Variants in THSD4 observed in about 807,000 individuals in gnomAD.
THSD4 encodes the protein thrombospondin type-1 domain-containing protein 4.
In THSD4, 69 loss-of-function variants were observed where a neutral mutation model predicts 119.0. The ratio of observed to expected loss-of-function variants is 0.58; its 90% CI spans 0.48 to 0.71. The LOEUF is 0.71. THSD4 is among the 30% of genes least tolerant of loss of function. The pLI, the probability that THSD4 is intolerant of heterozygous loss-of-function variation, is 0.00. For synonymous variants in THSD4, 524 were observed against 540.4 expected (o/e 0.97, Z 0.42); for missense variants, 1,393 against 1,391.1 (o/e 1.00, Z -0.02).
chr15:71,511,891 TTTTATTCAG>T (rs2140759493), intron 7 of THSD4, among the ~76,000 whole-genome samples: 1 of 152,326 alleles, frequency 6.6e-6, no homozygotes, highest in Non-Finnish European at 1.5e-5. Flanking sequence ...GTGTCGGGAA[TTTTATTCAG>T]TTAGTGTTTA....
chr15:71,195,489 C>T (rs2043711314), intron 3 of THSD4, among the ~76,000 whole-genome samples: 1 of 152,144 alleles, frequency 6.6e-6, no homozygotes, highest in South Asian at 2.1e-4. Context: ...ACCAAGTGGA[C>T]CCCTCTAGGG....
intron 6 of THSD4, among the ~76,000 whole-genome samples, chr15:71,271,191 T>C (rs913590296): frequency 2.6e-5 from 4 of 152,200 alleles, no homozygotes; most frequent in Non-Finnish European, 4.4e-5. Flanking sequence ...AGCACCTTTT[T>C]TCATATTAGC....
At chr15:71,257,642 A>G (rs1596297694) in intron 6 of THSD4, among the ~76,000 whole-genome samples, 1 of 152,302 alleles carries the variant, frequency 6.6e-6, no homozygotes, top group Admixed American at 6.5e-5. Context: ...TGCAGAATCA[A>G]TGCCTGGGGA....
At chr15:71,715,503 G>C (rs375778610) in intron 8 of THSD4, among the ~76,000 whole-genome samples, 1 of 152,102 alleles carries the variant, frequency 6.6e-6, no homozygotes, top group East Asian at 1.9e-4. Context: ...GGATTCTACA[G>C]TGCTTAGAAC....
intron 7 of THSD4, among the ~76,000 whole-genome samples, chr15:71,464,678 C>T (rs1469002234): frequency 1.3e-5 from 2 of 152,174 alleles, no homozygotes; most frequent in Non-Finnish European, 2.9e-5. Context: ...TAGACACTTT[C>T]CCTTCTAAAG....
chr15:71,205,049 CA>C (rs1227627536), intron 3 of THSD4, among the ~76,000 whole-genome samples: 1 of 152,178 alleles, frequency 6.6e-6, no homozygotes, highest in Non-Finnish European at 1.5e-5. Context: ...AGGATGCATT[CA>C]AATCACTGGG....
intron 1 of THSD4, among the ~76,000 whole-genome samples, chr15:71,097,385 T>G (rs1251202820): frequency 6.6e-6 from 1 of 151,936 alleles, no homozygotes; most frequent in Non-Finnish European, 1.5e-5. Context: ...AGCAACATGG[T>G]GAAACCCCGT....
intron 5 of THSD4, among the ~76,000 whole-genome samples, chr15:71,246,105 C>A (rs4777347): frequency 0.57 from 85,781 of 151,470 alleles, 25,235 homozygotes; most frequent in African/African-American, 0.71. Flanking sequence ...CACGGAGGAA[C>A]TGAGTTTCCT....
chr15:71,160,919 C>G (rs940900640), intron 3 of THSD4, among the ~76,000 whole-genome samples: 1 of 151,830 alleles, frequency 6.6e-6, no homozygotes, highest in African/African-American at 2.4e-5. Context: ...GTAGGAGTCA[C>G]AGGAGGTAAT....
upstream of THSD4, among the ~76,000 whole-genome samples, chr15:71,112,707 G>T: frequency 6.6e-6 from 1 of 152,258 alleles, no homozygotes; most frequent in Admixed American, 6.5e-5. Flanking sequence ...TCTCTCTTTC[G>T]GTGAGGGTCA....
At chr15:71,194,028 A>G (rs1442215620) in intron 3 of THSD4, among the ~76,000 whole-genome samples, 2 of 152,268 alleles carry the variant, frequency 1.3e-5, no homozygotes, top group East Asian at 1.9e-4. Context: ...TGATGGTTTT[A>G]TAAGGGGCTT....
chr15:71,319,963 T>C (rs2045245470), intron 6 of THSD4, among the ~76,000 whole-genome samples: 1 of 152,220 alleles, frequency 6.6e-6, no homozygotes, highest in Admixed American at 6.5e-5. Context: ...AAGGACGGTA[T>C]GGTAACTAGA....
intron 8 of THSD4, among the ~76,000 whole-genome samples, chr15:71,674,882 G>C (rs2051607946): frequency 6.6e-6 from 1 of 152,130 alleles, no homozygotes; most frequent in South Asian, 2.1e-4. Context: ...AAACCTCAGT[G>C]GTGCTGAAGT....
At chr15:71,461,120 T>C (rs2047423568) in intron 7 of THSD4, among the ~76,000 whole-genome samples, 1 of 152,232 alleles carries the variant, frequency 6.6e-6, no homozygotes, top group African/African-American at 2.4e-5. Flanking sequence ...CATGAGGTTG[T>C]TGTCAAGATG....
chr15:71,247,423 G>A (rs1374692108), intron 5 of THSD4, among the ~76,000 whole-genome samples: 1 of 152,210 alleles, frequency 6.6e-6, no homozygotes, highest in Non-Finnish European at 1.5e-5. Context: ...TATGCAGCTT[G>A]AGTCCAGTAA....
intron 7 of THSD4, among the ~76,000 whole-genome samples, chr15:71,610,970 A>G (rs1478573419): frequency 6.6e-6 from 1 of 152,166 alleles, no homozygotes; most frequent in African/African-American, 2.4e-5. Context: ...TGGAAAGAAG[A>G]AGTGAGAAGG....
At chr15:71,272,443 G>T (rs2044542817) in intron 6 of THSD4, among the ~76,000 whole-genome samples, 1 of 150,200 alleles carries the variant, frequency 6.7e-6, no homozygotes, top group Non-Finnish European at 1.5e-5. Context: ...GGGGAGGGAG[G>T]GGCAAAGGAC....
At chr15:71,496,383 G>A (rs1181783231) in intron 7 of THSD4, among the ~76,000 whole-genome samples, 1 of 152,148 alleles carries the variant, frequency 6.6e-6, no homozygotes, top group Non-Finnish European at 1.5e-5. Context: ...AGTCCCAAAG[G>A]TGGTTTTCTT....
At chr15:71,217,712 CA>C (rs1269173586) in intron 4 of THSD4, among the ~76,000 whole-genome samples, 1 of 150,654 alleles carries the variant, frequency 6.6e-6, no homozygotes, top group South Asian at 2.1e-4. Context: ...TCTTGATTTT[CA>C]AAACTCTTAA....
Sources: gnomAD v4.1 joint callset for allele counts (sites outside exome capture counted in the v4.1 genomes callset) on GRCh38, gnomAD v4.1.1 for gene constraint, MANE v1.5 for transcripts, NCBI Gene and HGNC (gene_info 2026-07-23, HGNC 2026-07-21) for gene names.